The following CAPN3 variants were observed in gnomAD, a reference collection of about 807,000 sequenced individuals.
CAPN3 encodes the protein calpain-3.
Under a neutral mutation model 114.0 loss-of-function variants are expected in CAPN3, and 88 were observed. The ratio of observed to expected loss-of-function variants is 0.77; its 90% CI spans 0.65 to 0.92. The LOEUF is 0.92. Among genes scored for constraint, CAPN3 ranks in the 40% least tolerant of loss-of-function variants. The pLI, the probability that CAPN3 is intolerant of heterozygous loss-of-function variation, is 0.00. For synonymous variants in CAPN3, 386 were observed against 382.9 expected, an observed-to-expected ratio of 1.01 and a Z score of -0.09; for missense variants, 1,028 against 1,069.0, an observed-to-expected ratio of 0.96 and a Z score of 0.53.
At chr15:42,404,744 C>G in intron 14 of CAPN3, 1 of 1,148,682 alleles carries the variant, frequency 8.7e-7, no homozygotes, top group South Asian at 1.9e-5. Flanking sequence ...ACAAATGCCC[C>G]TCTGAACTGT....
intron 20 of CAPN3, 32 bp downstream of exon 20, chr15:42,410,528 G>A (rs199534730): frequency 3.7e-6 from 6 of 1,613,070 alleles, no homozygotes; most frequent in East Asian, 2.2e-5. Flanking sequence ...TGGGAGTCAA[G>A]AATGGGGTTG....
At chr15:42,409,883 G>GGCCCCC in intron 18 of CAPN3, 39 bp downstream of exon 18, 2 of 559,650 alleles carry the variant, frequency 3.6e-6, no homozygotes, top group Non-Finnish European at 7.1e-6. Flanking sequence ...GGTGGGTGGG[G>GGCCCCC]AGTCCCGTTG....
chr15:42,386,278 A>G lies in CAPN3; in HGVS notation c.491A>G (p.His164Arg), dbSNP rs1302172231. ...ATCGAAAACTACGCAGGGATCTTCCACTTCCAGGTGAGGTAATGAGAGTGT... is the reference window on the plus strand; with the variant it reads ...ATCGAAAACTACGCAGGGATCTTCCGCTTCCAGGTGAGGTAATGAGAGTGT... ...SFIENYAGIF[H>R]FQFWRYGEWV... Residue 164 changes from histidine (H) to arginine (R), a missense_variant, in exon 3 of 24, where the codon CAC becomes CGC. Transcript: ENST00000397163. 6.8e-6 allele frequency: 11 copies of G among 1,608,000 alleles called. No homozygotes were observed. Among genetic ancestry groups the G allele is most frequent in the African/African-American group, 1.3e-5 (1 of 74,762 alleles).
At chr15:42,389,442 C>G (rs1483474614) in intron 5 of CAPN3, among the ~76,000 whole-genome samples, 1 of 152,196 alleles carries the variant, frequency 6.6e-6, no homozygotes, top group Non-Finnish European at 1.5e-5. Context: ...CCCACCATTT[C>G]CCTAAGAAAG....
intron 15 of CAPN3, 115 bp downstream of exon 15, chr15:42,406,058 C>A: frequency 1.1e-6 from 1 of 906,294 alleles, no homozygotes; most frequent in Non-Finnish European, 1.8e-6. Flanking sequence ...TTGCCTCTTC[C>A]TCCCCCTCCT....
intron 1 of CAPN3, among the ~76,000 whole-genome samples, chr15:42,361,048 C>T (rs1480588598): frequency 6.6e-6 from 1 of 152,154 alleles, no homozygotes; most frequent in East Asian, 1.9e-4. Context: ...TGTCAGGAGA[C>T]GATGTTCTGG....
intron 2 of CAPN3, 62 bp downstream of exon 2, chr15:42,384,614 C>A: frequency 1.6e-6 from 2 of 1,244,586 alleles, no homozygotes; most frequent in South Asian, 1.2e-5. Context: ...AAGGTGTGAT[C>A]CCCTTCCAGG....
chr15:42,411,691 G>GGT (rs1555423364), intron 23 of CAPN3, 56 bp from the exon 24 acceptor site: 5 of 418,806 alleles, frequency 1.2e-5, no homozygotes, highest in South Asian at 7.2e-5. Context: ...CCTAGGGCGG[G>GGT]GGGGGGGGGG....
chr15:42,363,848 G>A (rs728510), intron 1 of CAPN3, among the ~76,000 whole-genome samples: 4,166 of 149,994 alleles, frequency 0.028, 178 homozygotes, highest in African/African-American at 0.088. Flanking sequence ...TAAATAACTC[G>A]CGCCAGATCT....
chr15:42,401,811 G>C lies in CAPN3; in HGVS notation c.1524+1G>C. On this transcript the variant is annotated splice_donor_variant, in intron 11 of 23. Transcript: ENST00000397163. LOFTEE classifies it high-confidence loss of function. ...CACCATTGGCTTCGCCATCTACGAG[G>C]TGTGCAGTCCTGATTGGCTCCAGCC... The C allele has an allele frequency of 1.9e-6, 3 of 1,612,590 alleles. No individual in the cohort carries two copies. Among genetic ancestry groups the C allele is most frequent in the Non-Finnish European group, 2.5e-6 (3 of 1,179,280 alleles).
intron 1 of CAPN3, among the ~76,000 whole-genome samples, chr15:42,380,157 A>G (rs1441308756): frequency 6.6e-6 from 1 of 152,152 alleles, no homozygotes; most frequent in Non-Finnish European, 1.5e-5. Context: ...TCTTGTTTTT[A>G]TCCACTTTCA....
At chr15:42,366,487 A>G (rs1323139966) in intron 1 of CAPN3, among the ~76,000 whole-genome samples, 1 of 151,886 alleles carries the variant, frequency 6.6e-6, no homozygotes, top group Admixed American at 6.6e-5. Context: ...CTGTGGAATT[A>G]TTGTCAAGTC....
At chr15:42,371,959 A>G (rs148470008) in intron 1 of CAPN3, among the ~76,000 whole-genome samples, 2,334 of 151,696 alleles carry the variant, frequency 0.015, 39 homozygotes, top group Middle Eastern at 0.031. Context: ...GCAAGACTCC[A>G]TCTTAAAAAA....
chr15:42,380,751 A>ATATATATATATATTTTTTT (rs1436943739), intron 1 of CAPN3, among the ~76,000 whole-genome samples: 1 of 64,456 alleles, frequency 1.6e-5, no homozygotes, highest in Non-Finnish European at 2.5e-5. Context: ...ATATATATAT[A>ATATATATATATATTTTTTT]TTTTTTTTTT....
intron 9 of CAPN3, among the ~76,000 whole-genome samples, chr15:42,397,429 CAGG>C (rs1468345938): frequency 6.6e-6 from 1 of 152,104 alleles, no homozygotes; most frequent in Admixed American, 6.6e-5. Flanking sequence ...ATCACGAGGT[CAGG>C]AGATCGAGAA....
At position 42,404,083 on chromosome 15, in the gene CAPN3, G is replaced by T. The variant is rs138407929; in HGVS notation, c.1782+306G>T. The T allele has an allele frequency of 1.8e-3, 934 of 529,654 alleles. 7 individuals carry two copies. The highest frequency in any genetic ancestry group is 0.016 in the African/African-American group (863 of 52,716). The allele number at this position is 529,654 out of a possible 1,614,324, so 32.8% of individuals were successfully genotyped here. On this transcript the variant is annotated intron_variant, in intron 14 of 23. Transcript: ENST00000397163. ...AGGAAGGGATGACAAGAGCCGCAGC[G>T]AACACTGGATTCTGAGACTGGATAA...
At chr15:42,410,068 C>A in intron 19 of CAPN3, 73 bp downstream of exon 19, 1 of 1,404,950 alleles carries the variant, frequency 7.1e-7, no homozygotes, top group South Asian at 1.2e-5. Context: ...ACAGGGTGCC[C>A]AGTCAGGCAA....
At chr15:42,364,359 A>C (rs948997307) in intron 1 of CAPN3, among the ~76,000 whole-genome samples, 1 of 152,270 alleles carries the variant, frequency 6.6e-6, no homozygotes, top group African/African-American at 2.4e-5. Flanking sequence ...TAAAGGCTTA[A>C]GACCAGCACA....
In CAPN3 at chr15:42,389,042, C is replaced by T. The variant is rs757448865; in HGVS notation, c.747C>T (p.Tyr249=). The change falls in exon 5 of 24, where the codon TAC becomes TAT. Residue 249 remains tyrosine (Y), a synonymous_variant. Coordinates refer to ENST00000397163, the MANE Select transcript of CAPN3 (RefSeq NM_000070.3). Reference sequence around the variant, plus strand: ...TCAGGGATGCTCCTAGTGACATGTACAAGATCATGAAGAAAGCCATCGAGA... The same window carrying T: ...TCAGGGATGCTCCTAGTGACATGTATAAGATCATGAAGAAAGCCATCGAGA... ...FEIRDAPSDM[Y]KIMKKAIERG... 1 of 1,614,074 alleles carries T rather than the reference C, an allele frequency of 6.2e-7. No homozygotes were observed. The highest frequency in any genetic ancestry group is 1.1e-5 in the South Asian group (1 of 91,076).
Sources: allele counts gnomAD v4.1 joint callset (sites outside exome capture counted in the v4.1 genomes callset), GRCh38; gene constraint gnomAD v4.1.1; transcripts MANE v1.5; gene names NCBI Gene and HGNC (gene_info 2026-07-23, HGNC 2026-07-21).